MACROD2: variants seen among roughly 807,000 people sequenced by gnomAD.
The protein encoded by MACROD2 is mono-ADP ribosylhydrolase 2.
In MACROD2, 36 loss-of-function variants were observed where a neutral mutation model predicts 70.4. That is an observed-to-expected ratio of 0.51 (90% confidence interval 0.39 to 0.68). The LOEUF (loss-of-function observed/expected upper bound fraction) is 0.68, where lower values mean the gene tolerates loss of function less well. Among genes scored for constraint, MACROD2 ranks in the 30% least tolerant of loss-of-function variants. The pLI, the probability that MACROD2 is intolerant of heterozygous loss-of-function variation, is 0.00. For missense variants in MACROD2, 496 were observed against 538.4 expected (o/e 0.92, Z 0.78); for synonymous variants, 172 against 178.8 (o/e 0.96, Z 0.30).
intron 13 of MACROD2, among the ~76,000 whole-genome samples, chr20:15,973,336 T>C (rs1449424840): frequency 6.6e-6 from 1 of 152,150 alleles, no homozygotes; most frequent in African/African-American, 2.4e-5. Flanking sequence ...AACTAGATTA[T>C]AGCTAGAAGA....
At chr20:14,503,797 T>C (rs1000713047) in intron 4 of MACROD2, among the ~76,000 whole-genome samples, 5 of 152,224 alleles carry the variant, frequency 3.3e-5, no homozygotes. Context: ...ATGATGTCCA[T>C]GCCTGCAGGG....
intron 6 of MACROD2, among the ~76,000 whole-genome samples, chr20:15,271,210 T>G (rs754484389): frequency 1.2e-4 from 19 of 152,162 alleles, no homozygotes; most frequent in Non-Finnish European, 2.5e-4. Flanking sequence ...AGATTTGGCT[T>G]CTGGTGAGGG....
intron 8 of MACROD2, among the ~76,000 whole-genome samples, chr20:15,548,357 C>T (rs534801455): frequency 1.4e-4 from 21 of 152,160 alleles, no homozygotes; most frequent in African/African-American, 5.1e-4. Flanking sequence ...TGTTCCCTCC[C>T]CTTGAATCGG....
At chr20:14,412,360 G>T (rs752984529) in intron 3 of MACROD2, among the ~76,000 whole-genome samples, 50 of 152,258 alleles carry the variant, frequency 3.3e-4, no homozygotes, top group Middle Eastern at 3.4e-3. Flanking sequence ...GGCCTTAATG[G>T]AAGCCGCTCT....
At chr20:14,460,851 T>C (rs894156055) in intron 3 of MACROD2, among the ~76,000 whole-genome samples, 2 of 152,126 alleles carry the variant, frequency 1.3e-5, no homozygotes, top group African/African-American at 4.8e-5. Flanking sequence ...TTTGCATTGA[T>C]GTTCATCAGG....
chr20:14,719,870 C>G (rs1381242886), intron 5 of MACROD2, among the ~76,000 whole-genome samples: 1 of 152,170 alleles, frequency 6.6e-6, no homozygotes, highest in East Asian at 1.9e-4. Context: ...CCCACCAGAG[C>G]ATTGGCCCTT....
At chr20:14,093,814 G>T (rs1311107998) in intron 3 of MACROD2, among the ~76,000 whole-genome samples, 1 of 152,122 alleles carries the variant, frequency 6.6e-6, no homozygotes, top group Non-Finnish European at 1.5e-5. Flanking sequence ...GTTTATTAGA[G>T]CCACGTCCAA....
intron 8 of MACROD2, among the ~76,000 whole-genome samples, chr20:15,578,216 G>T (rs1277485663): frequency 6.6e-6 from 1 of 152,172 alleles, no homozygotes; most frequent in Non-Finnish European, 1.5e-5. Context: ...AGTGTTTTCA[G>T]ACCCTGATGA....
chr20:14,822,615 G>A (rs891108443), intron 5 of MACROD2, among the ~76,000 whole-genome samples: 2 of 152,032 alleles, frequency 1.3e-5, no homozygotes, highest in Admixed American at 6.6e-5. Flanking sequence ...TTTAAGTGAG[G>A]CATCTGAATA....
chr20:15,064,561 G>A (rs888910161), intron 5 of MACROD2, among the ~76,000 whole-genome samples: 9 of 152,132 alleles, frequency 5.9e-5, no homozygotes, highest in Non-Finnish European at 1.2e-4. Context: ...ATTCAGGTAA[G>A]TAACTTCGCA....
At chr20:14,304,979 A>G (rs1039885982) in intron 3 of MACROD2, among the ~76,000 whole-genome samples, 2 of 152,094 alleles carry the variant, frequency 1.3e-5, no homozygotes, top group African/African-American at 4.8e-5. Context: ...TTGACTATAT[A>G]TTAGAATCAA....
At chr20:14,118,006 T>A (rs944868464) in intron 3 of MACROD2, among the ~76,000 whole-genome samples, 5 of 152,190 alleles carry the variant, frequency 3.3e-5, no homozygotes, top group African/African-American at 7.2e-5. Context: ...TAGTCATGAT[T>A]ATGACTACAT....
chr20:15,938,074 A>T (rs1019971275), intron 12 of MACROD2, among the ~76,000 whole-genome samples: 2 of 119,898 alleles, frequency 1.7e-5, no homozygotes, highest in African/African-American at 3.4e-5. Flanking sequence ...CAGAAAAAGT[A>T]AAAAAAAAAA....
At chr20:15,339,495 C>A (rs1273238659) in intron 6 of MACROD2, among the ~76,000 whole-genome samples, 1 of 151,770 alleles carries the variant, frequency 6.6e-6, no homozygotes, top group African/African-American at 2.4e-5. Flanking sequence ...GAAGAACTGG[C>A]TGCTAAATCG....
intron 6 of MACROD2, among the ~76,000 whole-genome samples, chr20:15,372,065 A>G (rs1349738560): frequency 6.6e-6 from 1 of 152,180 alleles, no homozygotes; most frequent in East Asian, 1.9e-4. Context: ...TTTCTAGTTC[A>G]TTTAATTGCC....
At chr20:14,408,754 A>G (rs1013532944) in intron 3 of MACROD2, among the ~76,000 whole-genome samples, 1 of 152,144 alleles carries the variant, frequency 6.6e-6, no homozygotes, top group Non-Finnish European at 1.5e-5. Context: ...CTTTGTGTGG[A>G]ATCGTTTTAT....
chr20:15,085,873 A>ACACAACAC (rs35503821), intron 5 of MACROD2, among the ~76,000 whole-genome samples: 1 of 144,292 alleles, frequency 6.9e-6, no homozygotes, highest in Non-Finnish European at 1.5e-5. Context: ...ACACACACAC[A>ACACAACAC]ACACACACAC....
At chr20:14,430,883 A>C (rs569945912) in intron 3 of MACROD2, among the ~76,000 whole-genome samples, 1 of 152,264 alleles carries the variant, frequency 6.6e-6, no homozygotes, top group Non-Finnish European at 1.5e-5. Context: ...CTAGCATCCC[A>C]AAACACGGAA....
chr20:14,844,787 G>A (rs1047598404), intron 5 of MACROD2, among the ~76,000 whole-genome samples: 5 of 152,014 alleles, frequency 3.3e-5, no homozygotes, highest in African/African-American at 1.2e-4. Flanking sequence ...ATTCTTTCTG[G>A]AATTTTAACA....
Sources: gnomAD v4.1 joint callset for allele counts (sites outside exome capture counted in the v4.1 genomes callset) on GRCh38, gnomAD v4.1.1 for gene constraint, MANE v1.5 for transcripts, NCBI Gene and HGNC (gene_info 2026-07-23, HGNC 2026-07-21) for gene names.